Variants in XRCC4 observed in about 807,000 individuals in gnomAD.
XRCC4 encodes the protein X-ray repair cross complementing 4, also known as DNA repair protein XRCC4.
Under a neutral mutation model 39.1 loss-of-function variants are expected in XRCC4, and 28 were observed. That is an observed-to-expected ratio of 0.72 (90% CI 0.53 to 0.98). XRCC4 has a LOEUF of 0.98. Ranked by LOEUF, XRCC4 falls within the 50% of genes least tolerant of loss-of-function variation. The pLI, the probability that XRCC4 is intolerant of heterozygous loss-of-function variation, is 0.00. For synonymous variants in XRCC4, 123 were observed against 126.4 expected, an observed-to-expected ratio of 0.97 and a Z score of 0.18; for missense variants, 350 against 376.4, an observed-to-expected ratio of 0.93 and a Z score of 0.58.
At chr5:83,251,428 G>A (rs188832543) in intron 6 of XRCC4, among the ~76,000 whole-genome samples, 1 of 150,892 alleles carries the variant, frequency 6.6e-6, no homozygotes, top group East Asian at 2.0e-4. Flanking sequence ...GGAGGCTGAG[G>A]CAGGAGAATG....
chr5:83,103,009 GATATATATAT>G lies in XRCC4; in HGVS notation c.-10-1888_-10-1879del, dbSNP rs56183616. 3.4e-4 allele frequency among the ~76,000 whole-genome samples: 36 copies of G among 106,460 alleles called. 3 individuals are homozygous for G. Among genetic ancestry groups the G allele is most frequent in the African/African-American group, 1.4e-3 (35 of 25,420 alleles). 69.8% of individuals were successfully genotyped at this position (106,460 alleles called of 152,430 possible). On this transcript the variant is annotated intron_variant, in intron 1 of 7. Transcript: ENST00000396027. ...ATAGGGTTCCAGTAAAGATAGAGCT[GATATATATAT>G]ATATATATATATGTCAACATATTTC...
At chr5:83,291,951 C>CTGTGTGTGTG (rs34789998) in intron 7 of XRCC4, among the ~76,000 whole-genome samples, 1,687 of 144,006 alleles carry the variant, frequency 0.012, 33 homozygotes, top group African/African-American at 0.039. Flanking sequence ...ATGTGTATTT[C>CTGTGTGTGTG]TGTGTGTGTG....
chr5:83,136,882 T>C (rs1463215672), intron 3 of XRCC4, among the ~76,000 whole-genome samples: 1 of 152,176 alleles, frequency 6.6e-6, no homozygotes, highest in Non-Finnish European at 1.5e-5. Context: ...ATTTATACCA[T>C]GGTGACTATA....
intron 6 of XRCC4, among the ~76,000 whole-genome samples, chr5:83,207,575 T>C (rs970798728): frequency 2.0e-5 from 3 of 152,052 alleles, no homozygotes; most frequent in Non-Finnish European, 4.4e-5. Context: ...AAGAAATGTT[T>C]AGGAAACAGA....
At chr5:83,108,218 C>T (rs73768864) in intron 2 of XRCC4, among the ~76,000 whole-genome samples, 2,106 of 151,976 alleles carry the variant, frequency 0.014, 39 homozygotes, top group African/African-American at 0.048. Context: ...TTTAGAGCAT[C>T]GCGTGCTTAC....
intron 7 of XRCC4, among the ~76,000 whole-genome samples, chr5:83,337,025 T>G (rs1756614401): frequency 6.6e-6 from 1 of 152,186 alleles, no homozygotes; most frequent in East Asian, 1.9e-4. Flanking sequence ...TTTTTCTAAG[T>G]GATAGCATTT....
chr5:83,155,455 A>G (rs1241297003), intron 3 of XRCC4, among the ~76,000 whole-genome samples: 1 of 152,214 alleles, frequency 6.6e-6, no homozygotes, highest in Non-Finnish European at 1.5e-5. Context: ...CATTGATTTT[A>G]TGTGGTATTA....
chr5:83,230,975 C>T (rs1180239684), intron 6 of XRCC4, among the ~76,000 whole-genome samples: 12 of 151,706 alleles, frequency 7.9e-5, no homozygotes, highest in African/African-American at 2.4e-4. Context: ...TTAAAACTCA[C>T]GTAAATGATT....
chr5:83,350,433 A>G (rs982144509), intron 7 of XRCC4, among the ~76,000 whole-genome samples: 2 of 152,034 alleles, frequency 1.3e-5, no homozygotes, highest in African/African-American at 4.8e-5. Context: ...ATATATTATT[A>G]TTTGACTTTT....
chr5:83,316,464 C>T (rs1398829598), intron 7 of XRCC4, among the ~76,000 whole-genome samples: 5 of 150,858 alleles, frequency 3.3e-5, no homozygotes, highest in African/African-American at 7.3e-5. Context: ...ACCCATCTCA[C>T]GTGCAGAGAC....
At chr5:83,287,890 C>A (rs2112969724) in intron 7 of XRCC4, among the ~76,000 whole-genome samples, 1 of 151,748 alleles carries the variant, frequency 6.6e-6, no homozygotes, top group South Asian at 2.1e-4. Context: ...TTATTATAGA[C>A]CTTAGACCTT....
intron 7 of XRCC4, among the ~76,000 whole-genome samples, chr5:83,269,806 C>T (rs1754075555): frequency 6.6e-6 from 1 of 151,998 alleles, no homozygotes; most frequent in Non-Finnish European, 1.5e-5. Context: ...CCAGAGGTCC[C>T]CAACCTTTTT....
chr5:83,214,721 A>G (rs2112767211), intron 6 of XRCC4, among the ~76,000 whole-genome samples: 1 of 151,938 alleles, frequency 6.6e-6, no homozygotes, highest in African/African-American at 2.4e-5. Flanking sequence ...CTGTAGTCCC[A>G]GCTACTCGGG....
intron 3 of XRCC4, among the ~76,000 whole-genome samples, chr5:83,152,802 G>T (rs2112558689): frequency 6.6e-6 from 1 of 152,238 alleles, no homozygotes; most frequent in Admixed American, 6.5e-5. Flanking sequence ...GATCCTGTGT[G>T]TACTTTACCC....
chr5:83,240,054 G>A (rs1215528698), intron 6 of XRCC4, among the ~76,000 whole-genome samples: 1 of 151,864 alleles, frequency 6.6e-6, no homozygotes, highest in Non-Finnish European at 1.5e-5. Flanking sequence ...TGCACCTGTA[G>A]TACCAGCTAC....
intron 7 of XRCC4, among the ~76,000 whole-genome samples, chr5:83,337,388 G>A (rs1214587683): frequency 6.6e-6 from 1 of 152,132 alleles, no homozygotes; most frequent in East Asian, 1.9e-4. Context: ...GTAGAATACA[G>A]GAGAAGTGAT....
intron 3 of XRCC4, among the ~76,000 whole-genome samples, chr5:83,113,422 G>A (rs1746543465): frequency 6.6e-6 from 1 of 152,160 alleles, no homozygotes; most frequent in South Asian, 2.1e-4. Flanking sequence ...GGGGCACAGT[G>A]CAAGCTGTCG....
chr5:83,372,028 G>T, the XRCC4 span, among the ~76,000 whole-genome samples: 2 of 152,166 alleles, frequency 1.3e-5, no homozygotes, highest in Non-Finnish European at 2.9e-5. Flanking sequence ...GGTAGATTTT[G>T]TTGGCCTGTT....
At chr5:83,098,510 A>C (rs1745780704) in intron 1 of XRCC4, among the ~76,000 whole-genome samples, 1 of 152,056 alleles carries the variant, frequency 6.6e-6, no homozygotes, top group South Asian at 2.1e-4. Context: ...TTAGAAGGGT[A>C]TTTAGTAATC....
Sources: gnomAD v4.1 joint callset for allele counts (sites outside exome capture counted in the v4.1 genomes callset) on GRCh38, gnomAD v4.1.1 for gene constraint, MANE v1.5 for transcripts, NCBI Gene and HGNC (gene_info 2026-07-23, HGNC 2026-07-21) for gene names.